The following FAM20A variants were observed in gnomAD, a reference collection of about 807,000 sequenced individuals.
The protein encoded by FAM20A is pseudokinase FAM20A.
A neutral mutation model predicts 52.0 loss-of-function variants in FAM20A; 42 were observed. That is an observed-to-expected ratio of 0.81 (90% CI 0.63 to 1.04). The LOEUF (loss-of-function observed/expected upper bound fraction) is 1.04, where lower values mean the gene tolerates loss of function less well. FAM20A is among the 50% of genes least tolerant of loss of function. The probability of loss-of-function intolerance (pLI) is 0.00; values close to 1 mark genes in which losing one functional copy is unlikely to be tolerated. For synonymous variants in FAM20A, 304 were observed against 298.9 expected (o/e 1.02, Z -0.18); for missense variants, 742 against 712.7 (o/e 1.04, Z -0.47).
rs1224230476 is a variant in FAM20A, at chr17:68,536,370, G to A, written c.*1107C>T. On this transcript the variant is annotated 3_prime_UTR_variant, in exon 11 of 11. Transcript: ENST00000592554. ...GACCTTACTGTCCTTTGTGTTTTCG[G>A]TCATTAATTATGGAATAAGAAACAA... 1 of 454,050 alleles carries A rather than the reference G, an allele frequency of 2.2e-6. No homozygotes were observed. The highest frequency in any genetic ancestry group is 2.3e-5 in the Admixed American group (1 of 42,558). 28.1% of individuals were successfully genotyped at this position (454,050 alleles called of 1,614,324 possible).
chr17:68,573,138 G>A (rs2087612042), intron 1 of FAM20A, among the ~76,000 whole-genome samples: 1 of 152,210 alleles, frequency 6.6e-6, no homozygotes, highest in Non-Finnish European at 1.5e-5. Flanking sequence ...GTCACCATTA[G>A]TGATGGGTTT....
At chr17:68,552,067 A>G (rs761421788) in intron 3 of FAM20A, 116 bp from the exon 4 acceptor site, 4 of 709,454 alleles carry the variant, frequency 5.6e-6, no homozygotes, top group African/African-American at 1.8e-5. Flanking sequence ...ATGAGACCCT[A>G]AAGACTAGGA....
intron 1 of FAM20A, among the ~76,000 whole-genome samples, chr17:68,572,024 A>ATATATAT (rs2087575140): frequency 1.7e-5 from 2 of 118,178 alleles, no homozygotes; most frequent in Admixed American, 8.6e-5. Flanking sequence ...ATATATATAT[A>ATATATAT]TATATATATA....
intron 4 of FAM20A, among the ~76,000 whole-genome samples, chr17:68,549,433 G>A (rs1012180875): frequency 6.6e-6 from 1 of 151,394 alleles, no homozygotes; most frequent in Non-Finnish European, 1.5e-5. Context: ...GGCCGAGGTT[G>A]CAGTGAGCCG....
rs1369234477 is a variant in FAM20A at position 68,591,256 on chromosome 17, G to A, written c.404+9007C>T. Among the ~76,000 whole-genome samples the A allele has an allele frequency of 5.3e-5, 8 of 152,222 alleles. No individual in the cohort carries two copies. In the East Asian group the frequency reaches 1.6e-3, roughly 30 times the overall value. ...CGAGTAGCTGGGCGCCCGCCGCCAC[G>A]CCCGGTTAATTTTTTTGTATTTTTA... On this transcript the variant is annotated intron_variant, in intron 1 of 10. Coordinates refer to ENST00000592554, the MANE Select transcript of FAM20A (RefSeq NM_017565.4).
At chr17:68,570,040 A>C (rs924015672) in intron 1 of FAM20A, among the ~76,000 whole-genome samples, 1 of 152,102 alleles carries the variant, frequency 6.6e-6, no homozygotes, top group African/African-American at 2.4e-5. Flanking sequence ...TAACCCTTGA[A>C]TCCTTAGCAT....
intron 1 of FAM20A, among the ~76,000 whole-genome samples, chr17:68,592,943 C>T (rs1304711297): frequency 6.6e-6 from 1 of 152,216 alleles, no homozygotes; most frequent in Non-Finnish European, 1.5e-5. Flanking sequence ...TGCTTGGTCT[C>T]CAAAGCCAGG....
chr17:68,564,903 C>T (rs957976270), intron 1 of FAM20A, among the ~76,000 whole-genome samples: 10 of 152,194 alleles, frequency 6.6e-5, no homozygotes, highest in African/African-American at 1.9e-4. Flanking sequence ...GGAGGGGAGA[C>T]GGCTGTGACT....
chr17:68,563,606 T>A (rs1323862829), intron 1 of FAM20A, among the ~76,000 whole-genome samples: 2 of 151,906 alleles, frequency 1.3e-5, no homozygotes, highest in African/African-American at 4.8e-5. Flanking sequence ...CAAAACCACT[T>A]CCCTAAGATG....
intron 2 of FAM20A, 64 bp downstream of exon 2, chr17:68,555,495 G>C: frequency 6.3e-7 from 1 of 1,580,890 alleles, no homozygotes; most frequent in Non-Finnish European, 8.7e-7. Flanking sequence ...CCTAGCCTGG[G>C]ATGCTTTACC....
In FAM20A at chr17:68,540,907, G is replaced by A. The variant is rs980365295; in HGVS notation, c.1161C>T (p.Tyr387=). The part of the protein sequence containing the change: ...YCDTVKQIYP[Y]NNSQRLLNVI... ...CATTGAGGAGCCGCTGGCTGTTGTT[G>A]TACGGGTAGATCTGTTTCACTGTGT... Residue 387 remains tyrosine (Y), a synonymous_variant, in exon 8 of 11, where the codon TAC becomes TAT. Transcript: ENST00000592554. The A allele has an allele frequency of 8.1e-6, 13 of 1,604,542 alleles. No homozygotes were observed. The highest frequency in any genetic ancestry group is 1.1e-5 in the South Asian group (1 of 89,386).
intron 4 of FAM20A, among the ~76,000 whole-genome samples, chr17:68,546,055 G>C (rs1485257760): frequency 6.6e-6 from 1 of 151,388 alleles, no homozygotes; most frequent in Non-Finnish European, 1.5e-5. Flanking sequence ...TGTAGTCCCA[G>C]CTACTTGGGA....
rs572062660 is a variant in FAM20A, at chr17:68,538,968, C to G, written c.1361+369G>C. On this transcript the variant is annotated intron_variant, in intron 10 of 10. Coordinates refer to ENST00000592554, the MANE Select transcript of FAM20A (RefSeq NM_017565.4). The stretch of plus-strand genomic sequence containing the variant: ...CACGGTGTGAACATCAGAGAGTGTA[C>G]TCACACAAACCTAGATGGTGTAGCC... Among the ~76,000 whole-genome samples the G allele has an allele frequency of 7.3e-4, 111 of 152,234 alleles. 1 individual carries two copies. Among genetic ancestry groups the G allele is most frequent in the Middle Eastern group, 6.8e-3 (2 of 294 alleles).
At chr17:68,572,006 AT>A (rs1407508889) in intron 1 of FAM20A, among the ~76,000 whole-genome samples, 8 of 40,272 alleles carry the variant, frequency 2.0e-4, no homozygotes, top group African/African-American at 7.2e-4. Context: ...ATATATATAT[AT>A]ATATATATAT....
Position 68,542,277 on chromosome 17 carries a change from G to A in FAM20A, c.929-112C>T, listed in dbSNP as rs2302235. The A allele has an allele frequency of 0.14, 158,675 of 1,154,794 alleles. 11,457 individuals carry two copies. The highest frequency in any genetic ancestry group is 0.19 in the South Asian group (14,401 of 75,168). The allele number at this position is 1,154,794 out of a possible 1,614,324, so 71.5% of individuals were successfully genotyped here. A position where few individuals can be genotyped will look rare whatever the true frequency, so the allele number is the denominator to read the frequency against. ...AAGGGAAACCCTGAACTCACAGCTC[G>A]GGAAGAGAAAGAAGAAGAAGGAAAC... On this transcript the variant is annotated intron_variant, in intron 6 of 10. Coordinates refer to ENST00000592554, the MANE Select transcript of FAM20A (RefSeq NM_017565.4).
intron 4 of FAM20A, among the ~76,000 whole-genome samples, chr17:68,548,305 G>A (rs910353845): frequency 1.1e-4 from 16 of 151,802 alleles, no homozygotes; most frequent in East Asian, 5.8e-4. Context: ...TGAGGTGGGC[G>A]GATCACCTGA....
Position 68,554,925 on chromosome 17 carries a change from GGAGACTGT to G in FAM20A, c.590-106_590-99del, listed in dbSNP as rs993229818. Reference sequence around the variant, plus strand: ...TGACTCTGGTTCAGATCACCAGAGGGGAGACTGTGATGTAGCCTGGGGCCCTTGACCAC... The same window carrying G: ...TGACTCTGGTTCAGATCACCAGAGGGGATGTAGCCTGGGGCCCTTGACCAC... On this transcript the variant is annotated intron_variant, in intron 2 of 10. Coordinates refer to ENST00000592554, the MANE Select transcript of FAM20A (RefSeq NM_017565.4). The G allele has an allele frequency of 3.8e-5, 49 of 1,284,050 alleles. No homozygotes were observed. The African/African-American group carries it at 6.2e-4, about 16-fold the overall frequency. 79.5% of individuals were successfully genotyped at this position (1,284,050 alleles called of 1,614,324 possible). A position where few individuals can be genotyped will look rare whatever the true frequency, so the allele number is the denominator to read the frequency against.
At position 68,572,022 on chromosome 17, in the gene FAM20A, A is replaced by ATC. The variant is rs1568762643; in HGVS notation, c.405-16280_405-16279insGA. 1.6e-4 allele frequency among the ~76,000 whole-genome samples: 19 copies of ATC among 118,520 alleles called. 1 individual carries two copies. Among genetic ancestry groups the ATC allele is most frequent in the African/African-American group, 6.5e-4 (19 of 29,048 alleles). The allele number at this position is 118,520 out of a possible 152,430, so 77.8% of individuals were successfully genotyped here. On this transcript the variant is annotated intron_variant, in intron 1 of 10. Coordinates refer to ENST00000592554, the MANE Select transcript of FAM20A (RefSeq NM_017565.4). ...TATATATATATATATATATATATAT[A>ATC]TATATATATATATATATATGTAGCA... is the stretch of plus-strand genomic sequence containing the variant.
chr17:68,542,622 A>G, intron 6 of FAM20A, 72 bp downstream of exon 6: 1 of 1,177,298 alleles, frequency 8.5e-7, no homozygotes, highest in Non-Finnish European at 1.3e-6. Flanking sequence ...CAGGCCACTG[A>G]TGAATGGAGG....
Sources: allele counts gnomAD v4.1 joint callset (sites outside exome capture counted in the v4.1 genomes callset), GRCh38; gene constraint gnomAD v4.1.1; transcripts MANE v1.5; gene names NCBI Gene and HGNC (gene_info 2026-07-23, HGNC 2026-07-21).